Variants in MATN3 observed in about 807,000 individuals in gnomAD.
The protein encoded by MATN3 is matrilin 3.
A neutral mutation model predicts 45.3 loss-of-function variants in MATN3; 48 were observed. That is an observed-to-expected ratio of 1.06 (90% CI 0.84 to 1.35). The LOEUF is 1.35. Among genes scored for constraint, MATN3 ranks in the 40% most tolerant of loss-of-function variants. MATN3 has a pLI of 0.00. For missense variants in MATN3, 599 were observed against 628.0 expected (o/e 0.95, Z 0.49); for synonymous variants, 217 against 245.9 (o/e 0.88, Z 1.10).
rs2103478279 is a variant in MATN3 at position 19,994,406 on chromosome 2, G to A, written c.1298C>T (p.Thr433Ile). 7 of 1,587,324 alleles carry A rather than the reference G, an allele frequency of 4.4e-6. No individual in the cohort carries two copies. The highest frequency in any genetic ancestry group is 5.2e-6 in the Non-Finnish European group (6 of 1,156,614). The change falls in exon 7 of 8, where the codon ACT becomes ATT. Residue 433 changes from threonine (T) to isoleucine (I), a missense_variant. Thr to Ile is a moderately conservative substitution (Grantham distance 89, BLOSUM62 -1). Transcript: ENST00000407540. ...GGAAACAAGTCTTCGTGCTTCCTCA[G>A]TGGCTGAAGACAATGACAGTACACA... ...LNEDKKTCSA[T>I]EEARRLVSTE... is the part of the protein sequence containing the mutation.
chr2:20,012,561 G>T lies in MATN3; in HGVS notation c.71C>A (p.Pro24His). ...GGCCACGGGGTCGGGGGCGGCGGAG[G>T]GCAGCAGCAGCAGCGGCCAGAGCAG... is the stretch of plus-strand genomic sequence containing the variant. The part of the protein sequence containing the change: ...LLLLWPLLLL[P>H]SAAPDPVARP... The change falls in exon 1 of 8, where the codon CCC becomes CAC. Residue 24 changes from proline to histidine, a missense_variant. Pro to His is a moderately conservative substitution (Grantham distance 77). Transcript: ENST00000407540. The surrounding 1 kb of genome is among the most constrained non-coding windows in gnomAD (Gnocchi z 4.3). 8.1e-7 allele frequency: 1 copy of T among 1,227,198 alleles called. No homozygotes were observed. The allele number at this position is 1,227,198 out of a possible 1,614,324, so 76.0% of individuals were successfully genotyped here. A position where few individuals can be genotyped will look rare whatever the true frequency, so the allele number is the denominator to read the frequency against.
rs147407955 is a variant in MATN3 at position 20,002,191 on chromosome 2, C to CACACACACACACACACACACACAG, written c.917-112_917-111insCTGTGTGTGTGTGTGTGTGTGTGT. ...ACACACACACACACACACACACACA[C>CACACACACACACACACACACACAG]AGAGCTAATGAAACAAGGGAGGGGC... On this transcript the variant is annotated intron_variant, in intron 3 of 7. Coordinates refer to ENST00000407540, the MANE Select transcript of MATN3 (RefSeq NM_002381.5). 454 of 758,144 alleles carry CACACACACACACACACACACACAG rather than the reference C, an allele frequency of 6.0e-4. 7 individuals carry two copies. Among genetic ancestry groups the CACACACACACACACACACACACAG allele is most frequent in the East Asian group, 1.1e-3 (32 of 29,432 alleles). The allele number at this position is 758,144 out of a possible 1,614,324, so 47.0% of individuals were successfully genotyped here.
At position 19,999,009 on chromosome 2, in the gene MATN3, C is replaced by T. The variant is rs550206120; in HGVS notation, c.1168+1432G>A. 3.3e-5 allele frequency among the ~76,000 whole-genome samples: 5 copies of T among 152,212 alleles called. No homozygotes were observed. The South Asian group carries it at 1.0e-3, about 32-fold the overall frequency. On this transcript the variant is annotated intron_variant, in intron 5 of 7. Coordinates refer to ENST00000407540, the MANE Select transcript of MATN3 (RefSeq NM_002381.5). ...TTGCTGTGAGTATTAAGGTACATTA[C>T]TGTATCTAAAATGCCTAGAATCCTG...
rs370138146 is a variant in MATN3 at position 20,000,493 on chromosome 2, A to G, written c.1116T>C (p.His372=). 1.5e-5 allele frequency: 25 copies of G among 1,612,912 alleles called. No homozygotes were observed. The highest frequency in any genetic ancestry group is 2.0e-5 in the Non-Finnish European group (24 of 1,179,402). Residue 372 remains histidine (H), a synonymous_variant, in exon 5 of 8, where the codon CAT becomes CAC. Coordinates refer to ENST00000407540, the MANE Select transcript of MATN3 (RefSeq NM_002381.5). ...GAGTGTAGCCCTCATAGCATTCACA[A>G]TGATGGGACCCTGTTCTGTCATTCA... The part of the protein sequence containing the change: ...ICVNDRTGSH[H]CECYEGYTLN...
At position 20,006,955 on chromosome 2, in the gene MATN3, T is replaced by C. The variant is rs187502072; in HGVS notation, c.224-645A>G. ...AAGTAGAGCCAGGCGTGGTGGCTCA[T>C]GCCTGTAATCCCAGCACTTTGGGAG... On this transcript the variant is annotated intron_variant, in intron 1 of 7. Coordinates refer to ENST00000407540, the MANE Select transcript of MATN3 (RefSeq NM_002381.5). 5.2e-3 allele frequency among the ~76,000 whole-genome samples: 794 copies of C among 152,228 alleles called. 25 individuals are homozygous for C. In the South Asian group the frequency reaches 0.068, roughly 13 times the overall value.
rs998119023 is a variant in MATN3 at position 19,992,103 on chromosome 2, G to C, written c.*1008C>G. 2.0e-5 allele frequency: 3 copies of C among 152,036 alleles called. No individual in the cohort carries two copies. The highest frequency in any genetic ancestry group is 6.5e-5 in the Admixed American group (1 of 15,276). 9.4% of individuals were successfully genotyped at this position (152,036 alleles called of 1,614,324 possible). On this transcript the variant is annotated 3_prime_UTR_variant, in exon 8 of 8. Transcript: ENST00000407540. ...CAAAATTGATGAGTCATCAAAAATA[G>C]ACATGATAATATGTAAAGGTAATAA...
In MATN3 at chr2:19,995,438, T is replaced by C. The variant is rs1370820488; in HGVS notation, c.1295-1029A>G. Among the ~76,000 whole-genome samples, 4 of 152,022 alleles carry C rather than the reference T, an allele frequency of 2.6e-5. No homozygotes were observed. Among genetic ancestry groups the C allele is most frequent in the Non-Finnish European group, 5.9e-5 (4 of 68,010 alleles). ...ACTGCACTCCAGCCTGGGTGACAGA[T>C]TGAAATGTCGTCTCAAAAAACAAAA... is the stretch of plus-strand genomic sequence containing the variant. On this transcript the variant is annotated intron_variant, in intron 6 of 7. Coordinates refer to ENST00000407540, the MANE Select transcript of MATN3 (RefSeq NM_002381.5). This position sits in a 1 kb window ranked among gnomAD's most constrained non-coding sequence, Gnocchi z 4.2.
chr2:20,006,377 CT>C (rs1673108355), intron 1 of MATN3, 67 bp from the exon 2 acceptor site: 1 of 1,302,696 alleles, frequency 7.7e-7, no homozygotes, highest in African/African-American at 1.5e-5. Flanking sequence ...CCAGAGAACT[CT>C]GGGATTCCAG....
intron 1 of MATN3, among the ~76,000 whole-genome samples, chr2:20,011,856 C>T (rs745336133): frequency 3.3e-5 from 5 of 152,160 alleles, no homozygotes; most frequent in Admixed American, 1.3e-4. Flanking sequence ...CAATTGCTGA[C>T]CAAAAAGAGA....
In MATN3 at chr2:19,994,340, T is replaced by G; in HGVS notation, c.1364A>C (p.Gln455Pro). Residue 455 changes from glutamine (Q) to proline (P), a missense_variant, in exon 7 of 8, where the codon CAG becomes CCG. Transcript: ENST00000407540. ...TTGAAGATACGAGCTGACCTTGTCCTGGAATGCCAGTGTAGCTTCACATCC... is the reference window on the plus strand; with the variant it reads ...TTGAAGATACGAGCTGACCTTGTCCGGGAATGCCAGTGTAGCTTCACATCC... The part of the protein sequence containing the change: ...ACGCEATLAF[Q>P]DKVSSYLQRL... 6.2e-7 allele frequency: 1 copy of G among 1,613,672 alleles called. No individual in the cohort carries two copies. The highest frequency in any genetic ancestry group is 8.5e-7 in the Non-Finnish European group (1 of 1,179,714).
In MATN3 at chr2:20,012,474, G is replaced by C; in HGVS notation, c.158C>G (p.Ser53Cys). The C allele has an allele frequency of 6.5e-6, 8 of 1,229,110 alleles. No individual in the cohort carries two copies. Among genetic ancestry groups the C allele is most frequent in the Non-Finnish European group, 8.1e-6 (8 of 986,306 alleles). 76.1% of individuals were successfully genotyped at this position (1,229,110 alleles called of 1,614,324 possible). A position where few individuals can be genotyped will look rare whatever the true frequency, so the allele number is the denominator to read the frequency against. ...GGGCGCGCCGTCGGGAGCCGCAGGA[G>C]AGGGGCGGCGTCCAGGGCTGCCCCC... ...GPGGSPGRRP[S>C]PAAPDGAPAS... Residue 53 changes from serine (S) to cysteine (C), a missense_variant, in exon 1 of 8, where the codon TCT (serine) becomes TGT (cysteine). Physicochemically the swap from Ser to Cys is moderately radical, Grantham distance 112. Transcript: ENST00000407540. The surrounding 1 kb of genome is among the most constrained non-coding windows in gnomAD (Gnocchi z 4.3).
rs1244612413 is a variant in MATN3, at chr2:20,005,860, G to A, written c.674C>T (p.Ala225Val). 6.2e-7 allele frequency: 1 copy of A among 1,609,172 alleles called. No individual in the cohort carries two copies. Among genetic ancestry groups the A allele is most frequent in the Non-Finnish European group, 8.5e-7 (1 of 1,177,718 alleles). ...IELYAVGVDR[A>V]DMASLKMMAS... ...CATCATCTTGAGGGACGCCATGTCT[G>A]CCCGGTCCACGCCCACAGCATAGAG... is the stretch of plus-strand genomic sequence containing the variant. The change falls in exon 2 of 8, where the codon GCA becomes GTA. Residue 225 changes from alanine (A) to valine (V), a missense_variant. Coordinates refer to ENST00000407540, the MANE Select transcript of MATN3 (RefSeq NM_002381.5).
chr2:19,998,592 C>CA (rs1672924419), intron 5 of MATN3, among the ~76,000 whole-genome samples: 2 of 151,780 alleles, frequency 1.3e-5, no homozygotes, highest in Non-Finnish European at 2.9e-5. Context: ...CCCATCTCTA[C>CA]AAAAAAATAC....
chr2:20,008,291 T>C (rs910462675), intron 1 of MATN3, among the ~76,000 whole-genome samples: 2 of 152,120 alleles, frequency 1.3e-5, no homozygotes, highest in African/African-American at 4.8e-5. Flanking sequence ...TCATTCCCCC[T>C]TCTCACCCAA....
rs78942383 is a variant in MATN3 at position 19,995,571 on chromosome 2, G to T, written c.1295-1162C>A. Among the ~76,000 whole-genome samples, 3,089 of 152,284 alleles carry T rather than the reference G, an allele frequency of 0.02. 98 individuals are homozygous for T. The highest frequency in any genetic ancestry group is 0.069 in the African/African-American group (2,876 of 41,552). On this transcript the variant is annotated intron_variant, in intron 6 of 7. Transcript: ENST00000407540. This position sits in a 1 kb window ranked among gnomAD's most constrained non-coding sequence, Gnocchi z 4.2. ...CCTAGTTCTTACCAATAAATACTTT[G>T]GAACTGAAAATTCACGTTTGTATTG...
chr2:20,010,498 G>T (rs1439458024), intron 1 of MATN3, among the ~76,000 whole-genome samples: 1 of 152,170 alleles, frequency 6.6e-6, no homozygotes, highest in Non-Finnish European at 1.5e-5. Flanking sequence ...TACACAAGAG[G>T]TTATCCTGGA....
At position 20,010,064 on chromosome 2, in the gene MATN3, T is replaced by TCCAAAAAAAAAAAAAAAAAAAAAAAA. The variant is rs1247085339; in HGVS notation, c.223+2344_223+2345insTTTTTTTTTTTTTTTTTTTTTTTTGG. ...TTGTCTCAGAATAAATCTCTTCAAA[T>TCCAAAAAAAAAAAAAAAAAAAAAAAA]ACTAAAAAAAAAAAAAAAAAAAAAA... On this transcript the variant is annotated intron_variant, in intron 1 of 7. Coordinates refer to ENST00000407540, the MANE Select transcript of MATN3 (RefSeq NM_002381.5). Among the ~76,000 whole-genome samples, 98 of 10,718 alleles carry TCCAAAAAAAAAAAAAAAAAAAAAAAA rather than the reference T, an allele frequency of 9.1e-3. 5 individuals are homozygous for TCCAAAAAAAAAAAAAAAAAAAAAAAA. The highest frequency in any genetic ancestry group is 9.8e-3 in the Non-Finnish European group (75 of 7,666). The allele number at this position is 10,718 out of a possible 152,430, so 7.0% of individuals were successfully genotyped here.
In MATN3 at chr2:20,006,122, G is replaced by A. The variant is rs758805551; in HGVS notation, c.412C>T (p.Gln138Ter). ...AGGGACTGCTTATCTGTGTAGGCCT[G>A]GAGTTGGAACTCGATCTTCACAGTG... Reference protein sequence around the residue: ...ASTVKIEFQLQAYTDKQSLKQ... With the variant: ...ASTVKIEFQL The change falls in exon 2 of 8, where the codon CAG becomes TAG. Residue 138 changes from glutamine (Q) to a stop codon, truncating the protein, a stop_gained. Transcript: ENST00000407540. LOFTEE classifies it high-confidence loss of function. 3 of 1,613,758 alleles carry A rather than the reference G, an allele frequency of 1.9e-6. No homozygotes were observed.
intron 6 of MATN3, 108 bp downstream of exon 6, chr2:19,997,026 T>C: frequency 8.1e-7 from 1 of 1,233,400 alleles, no homozygotes; most frequent in Non-Finnish European, 1.2e-6. Flanking sequence ...CACTGGAGAA[T>C]TCTGACAGGG....
Sources: allele counts gnomAD v4.1 joint callset (sites outside exome capture counted in the v4.1 genomes callset), GRCh38; gene constraint gnomAD v4.1.1; non-coding constraint Gnocchi (gnomAD v3.1); transcripts MANE v1.5; gene names NCBI Gene and HGNC (gene_info 2026-07-23, HGNC 2026-07-21).